Variants in CDCA5 observed in about 807,000 individuals in gnomAD.
The protein encoded by CDCA5 is cell division cycle associated 5, also known as sororin.
CDCA5 carries 14 observed loss-of-function variants against 25.7 expected under a neutral mutation model. That is an observed-to-expected ratio of 0.54 (90% CI 0.36 to 0.85). The LOEUF (loss-of-function observed/expected upper bound fraction) is 0.85. Ranked by LOEUF, CDCA5 falls within the 40% of genes least tolerant of loss-of-function variation. CDCA5 has a pLI of 0.01. For synonymous variants in CDCA5, 127 were observed against 128.7 expected, an observed-to-expected ratio of 0.99 and a Z score of 0.09; for missense variants, 307 against 324.5, an observed-to-expected ratio of 0.95 and a Z score of 0.41.
intron 4 of CDCA5, 97 bp downstream of exon 4, chr11:65,083,267 A>G: frequency 6.8e-7 from 1 of 1,463,536 alleles, no homozygotes; most frequent in Non-Finnish European, 9.5e-7. Flanking sequence ...CAGTACTGCA[A>G]AACAGCTCCC....
chr11:65,079,867 G>A, intron 4 of CDCA5, 80 bp from the exon 5 acceptor site: 1 of 1,169,044 alleles, frequency 8.6e-7, no homozygotes, highest in South Asian at 2.2e-5. Flanking sequence ...AAGATTCAGG[G>A]TGGAAAGACC....
chr11:65,066,508 G>A, intron 6 of CDCA5: 1 of 1,289,224 alleles, frequency 7.8e-7, no homozygotes, highest in Non-Finnish European at 1.0e-6. Context: ...AGCAGCATGG[G>A]GCAGCCGCCT....
downstream of CDCA5, among the ~76,000 whole-genome samples, chr11:65,062,163 G>A (rs540735855): frequency 1.5e-3 from 229 of 152,092 alleles, no homozygotes; most frequent in African/African-American, 4.8e-3. Flanking sequence ...CAGGTGATCC[G>A]CCCGCCTTGG....
downstream of CDCA5, among the ~76,000 whole-genome samples, chr11:65,064,375 G>A (rs1179555192): frequency 1.4e-5 from 2 of 142,226 alleles, no homozygotes; most frequent in Non-Finnish European, 3.0e-5. Flanking sequence ...CTGAGATTGC[G>A]CCACTGCACT....
At chr11:65,073,962 G>C (rs1027539871), downstream of CDCA5, among the ~76,000 whole-genome samples, 2 of 152,180 alleles carry the variant, frequency 1.3e-5, no homozygotes, top group African/African-American at 4.8e-5. Context: ...GGATCAGGGA[G>C]AGCAAGCATC....
In CDCA5 at chr11:65,077,626, T is replaced by C. The variant is rs1209317666; in HGVS notation, c.*1481A>G. On this transcript the variant is annotated 3_prime_UTR_variant, in exon 6 of 6. Coordinates refer to ENST00000275517, the MANE Select transcript of CDCA5 (RefSeq NM_080668.4). ...CTAAGACATTTCCCAAGAGTTCTGC[T>C]GCATCAGCCAGTGAGGACAAGAGTT... The C allele has an allele frequency of 3.0e-6, 3 of 985,364 alleles. No individual in the cohort carries two copies. Among genetic ancestry groups the C allele is most frequent in the African/African-American group, 3.5e-5 (2 of 57,250 alleles). 61.0% of individuals were successfully genotyped at this position (985,364 alleles called of 1,614,324 possible). A position where few individuals can be genotyped will look rare whatever the true frequency, so the allele number is the denominator to read the frequency against.
chr11:65,067,951 T>A, intron 3 of CDCA5: 1 of 1,042,814 alleles, frequency 9.6e-7, no homozygotes, highest in Non-Finnish European at 1.3e-6. Flanking sequence ...ACCATCCACC[T>A]CCCCCAGTTT....
At chr11:65,074,609 C>T (rs544070114), downstream of CDCA5, among the ~76,000 whole-genome samples, 5 of 151,936 alleles carry the variant, frequency 3.3e-5, no homozygotes, top group South Asian at 4.2e-4. Context: ...CATGGTGACA[C>T]GTGCCTGTAG....
At chr11:65,063,210 A>G (rs979423819), downstream of CDCA5, among the ~76,000 whole-genome samples, 7 of 152,332 alleles carry the variant, frequency 4.6e-5, no homozygotes, top group South Asian at 2.1e-4. Flanking sequence ...TGCCCTCACA[A>G]GATGGGGATG....
intron 1 of CDCA5, among the ~76,000 whole-genome samples, chr11:65,070,822 T>G (rs1195135997): frequency 6.6e-6 from 1 of 152,094 alleles, no homozygotes; most frequent in Non-Finnish European, 1.5e-5. Flanking sequence ...TATCTAGAAG[T>G]GTTTTGGATT....
intron 4 of CDCA5, among the ~76,000 whole-genome samples, chr11:65,067,477 T>C (rs1240945421): frequency 6.6e-6 from 1 of 152,116 alleles, no homozygotes; most frequent in African/African-American, 2.4e-5. Context: ...GAGCCCGACA[T>C]CCAGAGAACA....
At chr11:65,068,190 A>AC (rs1360950890) in intron 2 of CDCA5, 2 of 980,866 alleles carry the variant, frequency 2.0e-6, no homozygotes, top group Non-Finnish European at 2.8e-6. Flanking sequence ...GTCCTCCCAC[A>AC]CCCCCCATCC....
In CDCA5 at chr11:65,079,027, C is replaced by A; in HGVS notation, c.*80G>T. ...AGGTAACAAGACCAGGGGAGGGGAC[C>A]CTAAGTGTCCTCTCCACAGGGAGGT... On this transcript the variant is annotated 3_prime_UTR_variant, in exon 6 of 6. Transcript: ENST00000275517. The A allele has an allele frequency of 7.1e-7, 1 of 1,401,736 alleles. No homozygotes were observed. Among genetic ancestry groups the A allele is most frequent in the Non-Finnish European group, 9.3e-7 (1 of 1,077,068 alleles). 86.8% of individuals were successfully genotyped at this position (1,401,736 alleles called of 1,614,324 possible).
chr11:65,064,439 A>G (rs2137053106), downstream of CDCA5, among the ~76,000 whole-genome samples: 1 of 149,184 alleles, frequency 6.7e-6, no homozygotes, highest in South Asian at 2.1e-4. Flanking sequence ...AAAAAAAAGC[A>G]TAATTAGTCT....
Position 65,078,067 on chromosome 11 carries a change from G to A in CDCA5, c.*1040C>T. ...TGTTCTCATGTGAGAGGATAGGGAG[G>A]CCAAAAACTAAAATTGCTATCAGCC... On this transcript the variant is annotated 3_prime_UTR_variant, in exon 6 of 6. Transcript: ENST00000275517. 1.0e-6 allele frequency: 1 copy of A among 985,396 alleles called. No individual in the cohort carries two copies. Among genetic ancestry groups the A allele is most frequent in the Non-Finnish European group, 1.2e-6 (1 of 829,934 alleles). The allele number at this position is 985,396 out of a possible 1,614,324, so 61.0% of individuals were successfully genotyped here.
downstream of CDCA5, chr11:65,077,451 C>G: frequency 1.0e-6 from 1 of 985,386 alleles, no homozygotes; most frequent in Non-Finnish European, 1.2e-6. Context: ...AAACACAGTC[C>G]ATGAACAGGC....
At chr11:65,062,184 T>C (rs928184300), downstream of CDCA5, among the ~76,000 whole-genome samples, 3 of 152,188 alleles carry the variant, frequency 2.0e-5, no homozygotes, top group African/African-American at 7.2e-5. Flanking sequence ...CCTCCCAAAG[T>C]GCTGGGATTA....
downstream of CDCA5, among the ~76,000 whole-genome samples, chr11:65,074,738 CAAAAAAAAAAAAA>C (rs141129265): frequency 0.03 from 1,147 of 38,128 alleles, 29 homozygotes; most frequent in African/African-American, 0.1. Context: ...GACCTTGTCT[CAAAAAAAAAAAAA>C]AAAAAAAAAA....
At chr11:65,064,092 C>T (rs1452534074), downstream of CDCA5, among the ~76,000 whole-genome samples, 2 of 152,120 alleles carry the variant, frequency 1.3e-5, no homozygotes, top group East Asian at 1.9e-4. Context: ...TAACCTTATT[C>T]GAGCGCTGTC....
Sources: allele counts gnomAD v4.1 joint callset (sites outside exome capture counted in the v4.1 genomes callset), GRCh38; gene constraint gnomAD v4.1.1; transcripts MANE v1.5; gene names NCBI Gene and HGNC (gene_info 2026-07-23, HGNC 2026-07-21).